MAMLD1: variants seen among roughly 807,000 people sequenced by gnomAD.
MAMLD1 encodes the protein mastermind like domain containing 1, also known as mastermind-like domain-containing protein 1.
MAMLD1 carries 14 observed loss-of-function variants against 45.0 expected under a neutral mutation model. The observed-to-expected ratio is 0.31, with a 90% confidence interval of 0.21 to 0.49. MAMLD1 has a LOEUF of 0.49. Ranked by LOEUF, MAMLD1 falls within the 20% of genes least tolerant of loss-of-function variation. The pLI is 0.99. For synonymous variants in MAMLD1, 254 were observed against 247.8 expected (o/e 1.02, Z -0.24); for missense variants, 543 against 603.6 (o/e 0.90, Z 1.05).
intron 5 of MAMLD1, 108 bp from the exon 6 acceptor site, chrX:150,503,166 T>C (rs991322598): frequency 1.4e-6 from 1 of 703,374 alleles, no homozygotes; most frequent in African/African-American, 2.1e-5. Flanking sequence ...TTGGTGGGTA[T>C]AACCACAACA....
rs1557406373 is a variant in MAMLD1, at chrX:150,470,692, T to C, written c.1119T>C (p.Asn373=). Residue 373 remains asparagine (N), a synonymous_variant, in exon 4 of 8, where the codon AAT becomes AAC. Transcript: ENST00000370401. Reference sequence around the variant, plus strand: ...TCATGGTGTCCTGCATGTCGTCCAATACCTTGTCGGGTAGCACTCTCCGAG... The same window carrying C: ...TCATGGTGTCCTGCATGTCGTCCAACACCTTGTCGGGTAGCACTCTCCGAG... ...QSLMVSCMSS[N]TLSGSTLRGS... 1 of 1,211,713 alleles carries C rather than the reference T, an allele frequency of 8.3e-7. No individual in the cohort carries two copies. Among genetic ancestry groups the C allele is most frequent in the Non-Finnish European group, 1.1e-6 (1 of 895,504 alleles).
At chrX:150,413,310 C>T (rs1220761915) in intron 1 of MAMLD1, among the ~76,000 whole-genome samples, 2 of 110,910 alleles carry the variant, frequency 1.8e-5, no homozygotes, top group Non-Finnish European at 3.8e-5. Flanking sequence ...GTCATATGGT[C>T]GCTGTTTTGG....
chrX:150,491,126 T>C (rs1052746881), intron 5 of MAMLD1, among the ~76,000 whole-genome samples: 1 of 110,466 alleles, frequency 9.1e-6, no homozygotes, highest in African/African-American at 3.3e-5. Flanking sequence ...TACTGAGGGA[T>C]TTCTGTTTGT....
At chrX:150,486,835 G>A (rs1557407650) in intron 5 of MAMLD1, among the ~76,000 whole-genome samples, 3 of 112,179 alleles carry the variant, frequency 2.7e-5, no homozygotes, top group African/African-American at 9.7e-5. Flanking sequence ...AAGTTGGAAA[G>A]CAGCACACGG....
rs1423471572 is a variant in MAMLD1 at position 150,407,516 on chromosome X, G to T, written c.-63-37938G>T. 4.5e-5 allele frequency among the ~76,000 whole-genome samples: 5 copies of T among 112,220 alleles called. No individual in the cohort carries two copies. The East Asian group carries it at 1.4e-3, about 31-fold the overall frequency. On this transcript the variant is annotated intron_variant, in intron 1 of 7. Transcript: ENST00000370401. ...CCTGAATTCTATCCTTGAATCCTAG[G>T]ATAAGATCACCTGCTAAAGAAACAC...
intron 2 of MAMLD1, among the ~76,000 whole-genome samples, chrX:150,450,719 T>C (rs1394940857): frequency 9.0e-6 from 1 of 110,829 alleles, no homozygotes; most frequent in African/African-American, 3.3e-5. Flanking sequence ...GGCTCAGAGG[T>C]TTTTTGCCAT....
At chrX:150,477,902 G>A (rs1557406930) in intron 5 of MAMLD1, among the ~76,000 whole-genome samples, 1 of 111,335 alleles carries the variant, frequency 9.0e-6, no homozygotes. Context: ...GTACATGAGT[G>A]GCCAGGAAGG....
intron 1 of MAMLD1, among the ~76,000 whole-genome samples, chrX:150,398,999 G>A (rs1211129511): frequency 8.9e-6 from 1 of 112,320 alleles, no homozygotes; most frequent in African/African-American, 3.2e-5. Flanking sequence ...ACTGTGCTAA[G>A]CACTGAGTAT....
At chrX:150,507,064 C>A (rs2037751938) in intron 6 of MAMLD1, among the ~76,000 whole-genome samples, 1 of 112,184 alleles carries the variant, frequency 8.9e-6, no homozygotes, top group African/African-American at 3.2e-5. Flanking sequence ...CACACCTGGG[C>A]TTGCATAGAA....
chrX:150,362,100 T>C (rs2031026817), upstream of MAMLD1, among the ~76,000 whole-genome samples: 4 of 112,152 alleles, frequency 3.6e-5, no homozygotes, highest in South Asian at 1.5e-3. Flanking sequence ...AACTGCCACC[T>C]GAGAGCCCTG....
Position 150,503,428 on chromosome X carries a change from G to T in MAMLD1, c.2195G>T (p.Ser732Ile). The T allele has an allele frequency of 8.3e-7, 1 of 1,211,966 alleles. No homozygotes were observed. The highest frequency in any genetic ancestry group is 1.1e-6 in the Non-Finnish European group (1 of 895,441). ...CTGGCCCGAGTCACCTCCTCGTACAGCACCTCAGAGGCAGCGCCCTGGGGC... is the reference window on the plus strand; with the variant it reads ...CTGGCCCGAGTCACCTCCTCGTACATCACCTCAGAGGCAGCGCCCTGGGGC... ...HELARVTSSY[S>I]TSEAAPWGSW... The change falls in exon 6 of 8, where the codon AGC (serine) becomes ATC (isoleucine). Residue 732 changes from serine to isoleucine, a missense_variant. Transcript: ENST00000370401.
At position 150,485,251 on chromosome X, in the gene MAMLD1, C is replaced by T. The variant is rs782434096; in HGVS notation, c.2040+11449C>T. 2.5e-4 allele frequency among the ~76,000 whole-genome samples: 28 copies of T among 111,362 alleles called. No homozygotes were observed. The South Asian group carries it at 9.8e-3, about 39-fold the overall frequency. ...AGAGGTTCCTGAAGGCTAAGCATTG[C>T]TCTGTAACCCTGAACTTGATTTATG... On this transcript the variant is annotated intron_variant, in intron 5 of 7. Transcript: ENST00000370401.
chrX:150,385,962 T>C (rs1385684836), intron 1 of MAMLD1, among the ~76,000 whole-genome samples: 1 of 111,565 alleles, frequency 9.0e-6, no homozygotes, highest in African/African-American at 3.3e-5. Flanking sequence ...ACTGCTTCTT[T>C]TATGTCTTTG....
intron 1 of MAMLD1, among the ~76,000 whole-genome samples, chrX:150,419,066 G>A (rs2034381679): frequency 1.6e-5 from 1 of 63,404 alleles, no homozygotes; most frequent in African/African-American, 5.9e-5. Context: ...TTAATGTGTG[G>A]GAGTCTAAGT....
intron 1 of MAMLD1, among the ~76,000 whole-genome samples, chrX:150,377,175 A>G (rs2032360707): frequency 8.8e-6 from 1 of 113,162 alleles, no homozygotes; most frequent in Non-Finnish European, 1.9e-5. Context: ...GCCAGACTGT[A>G]TGGAGGTGCA....
chrX:150,383,872 G>T (rs2032790099), intron 1 of MAMLD1, among the ~76,000 whole-genome samples: 1 of 111,580 alleles, frequency 9.0e-6, no homozygotes, highest in African/African-American at 3.3e-5. Flanking sequence ...ATAGCCTTTT[G>T]TGACTGACTT....
At chrX:150,453,507 C>G (rs781823871) in intron 2 of MAMLD1, among the ~76,000 whole-genome samples, 1 of 111,852 alleles carries the variant, frequency 8.9e-6, no homozygotes, top group South Asian at 3.8e-4. Flanking sequence ...CTGGCCCCAA[C>G]TCCACACTCC....
At chrX:150,419,242 C>G (rs1419514925) in intron 1 of MAMLD1, among the ~76,000 whole-genome samples, 2 of 98,731 alleles carry the variant, frequency 2.0e-5, no homozygotes, top group African/African-American at 7.4e-5. Context: ...TCTGTTTTAT[C>G]AGAGACTAGG....
intron 1 of MAMLD1, among the ~76,000 whole-genome samples, chrX:150,366,739 T>C (rs2031484252): frequency 9.0e-6 from 1 of 111,591 alleles, no homozygotes. Context: ...TGCTCCCTGC[T>C]CTGGGGGCCG....
Sources: allele counts gnomAD v4.1 joint callset (sites outside exome capture counted in the v4.1 genomes callset), GRCh38; gene constraint gnomAD v4.1.1; transcripts MANE v1.5; gene names NCBI Gene and HGNC (gene_info 2026-07-23, HGNC 2026-07-21).